The following DIAPH1 variants were observed in gnomAD, a reference collection of about 807,000 sequenced individuals.
DIAPH1 encodes the protein protein diaphanous homolog 1.
DIAPH1 carries 46 observed loss-of-function variants against 140.7 expected under a neutral mutation model. The ratio of observed to expected loss-of-function variants is 0.33; its 90% CI spans 0.26 to 0.42. DIAPH1 has a LOEUF of 0.42. Among genes scored for constraint, DIAPH1 ranks in the 10% least tolerant of loss-of-function variants. The pLI is 1.00. For missense variants in DIAPH1, 1,310 were observed against 1,558.7 expected, an observed-to-expected ratio of 0.84 and a Z score of 2.69; for synonymous variants, 565 against 551.6, an observed-to-expected ratio of 1.02 and a Z score of -0.34.
At chr5:141,597,710 T>C (rs2099899538) in intron 1 of DIAPH1, among the ~76,000 whole-genome samples, 1 of 152,174 alleles carries the variant, frequency 6.6e-6, no homozygotes, top group Non-Finnish European at 1.5e-5. Flanking sequence ...ATCACCATCA[T>C]CTGCTTTTGT....
At chr5:141,525,976 C>G in intron 26 of DIAPH1, 62 bp downstream of exon 26, 1 of 1,607,986 alleles carries the variant, frequency 6.2e-7, no homozygotes, top group Non-Finnish European at 8.5e-7. Context: ...CCTCTAGACT[C>G]TAGGCAGAGA....
At chr5:141,581,030 A>C in intron 7 of DIAPH1, 147 bp from the exon 8 acceptor site, 69 of 874,262 alleles carry the variant, frequency 7.9e-5, no homozygotes, top group Non-Finnish European at 1.2e-4. Context: ...ATGTAACCTC[A>C]TCTGGAAATA....
chr5:141,572,058 G>C lies in DIAPH1; in HGVS notation c.2359-18C>G, dbSNP rs779689345. ...GCCACAAGCTGTGGATAAAGGCAGGGTGTTAAGAATTAGTAAACTGAGCCC... is the reference window on the plus strand; with the variant it reads ...GCCACAAGCTGTGGATAAAGGCAGGCTGTTAAGAATTAGTAAACTGAGCCC... On this transcript the variant is annotated intron_variant, in intron 16 of 27. Transcript: ENST00000389054. The C allele has an allele frequency of 3.8e-6, 6 of 1,575,100 alleles. No individual in the cohort carries two copies. Among genetic ancestry groups the C allele is most frequent in the Non-Finnish European group, 5.2e-6 (6 of 1,144,370 alleles).
intron 18 of DIAPH1, among the ~76,000 whole-genome samples, chr5:141,559,163 G>A (rs951624352): frequency 3.3e-5 from 5 of 150,836 alleles, no homozygotes; most frequent in Admixed American, 1.3e-4. Flanking sequence ...ACAGTAAGAG[G>A]GTCTTAATGT....
At chr5:141,584,000 T>A (rs757283585) in intron 4 of DIAPH1, 124 bp downstream of exon 4, 75 of 695,556 alleles carry the variant, frequency 1.1e-4, no homozygotes, top group Non-Finnish European at 1.8e-4. Flanking sequence ...GTGAACAGGC[T>A]TATATAATGG....
At chr5:141,599,378 A>G (rs1361433780) in intron 1 of DIAPH1, among the ~76,000 whole-genome samples, 1 of 152,218 alleles carries the variant, frequency 6.6e-6, no homozygotes, top group African/African-American at 2.4e-5. Flanking sequence ...CTAAGTTGTA[A>G]TAGACAACTA....
chr5:141,601,574 G>A (rs2099900149), intron 1 of DIAPH1, among the ~76,000 whole-genome samples: 1 of 152,144 alleles, frequency 6.6e-6, no homozygotes, highest in African/African-American at 2.4e-5. Flanking sequence ...ACAGGCGTGA[G>A]CCACCGCACC....
At chr5:141,618,583 C>G (rs2099903081) in intron 1 of DIAPH1, 2 of 464,918 alleles carry the variant, frequency 4.3e-6, no homozygotes, top group East Asian at 4.2e-5. Flanking sequence ...AGGGAAGCCC[C>G]GAGGTGGCCG....
intron 27 of DIAPH1, among the ~76,000 whole-genome samples, 192 bp from the exon 28 acceptor site, chr5:141,517,200 G>A (rs1420230222): frequency 6.6e-6 from 1 of 152,240 alleles, no homozygotes; most frequent in Non-Finnish European, 1.5e-5. Flanking sequence ...GAATGTAAGA[G>A]AGTGTGGTGC....
At chr5:141,543,800 T>C (rs909167118) in intron 18 of DIAPH1, among the ~76,000 whole-genome samples, 4 of 152,192 alleles carry the variant, frequency 2.6e-5, no homozygotes, top group African/African-American at 7.2e-5. Context: ...ACACAAAAAA[T>C]GGGATTGTAT....
rs1391669921 is a variant in DIAPH1 at position 141,573,324 on chromosome 5, A to C, written c.2358+168T>G. Among the ~76,000 whole-genome samples the C allele has an allele frequency of 3.9e-5, 6 of 151,920 alleles. No individual in the cohort carries two copies. The East Asian group carries it at 1.2e-3, about 30-fold the overall frequency. On this transcript the variant is annotated intron_variant, in intron 16 of 27. Transcript: ENST00000389054. Reference sequence around the variant, plus strand: ...GTGGCGCGCGCCTATAGTCCCAGCTACACGGGAGGCTGAGGCAGGAGAATG... The same window carrying C: ...GTGGCGCGCGCCTATAGTCCCAGCTCCACGGGAGGCTGAGGCAGGAGAATG...
chr5:141,617,316 G>T (rs2099902844), intron 1 of DIAPH1, among the ~76,000 whole-genome samples: 1 of 152,100 alleles, frequency 6.6e-6, no homozygotes, highest in Non-Finnish European at 1.5e-5. Context: ...AAAAAAAGAT[G>T]TTCACCAGAT....
chr5:141,570,669 C>T (rs1405853329), intron 18 of DIAPH1, among the ~76,000 whole-genome samples: 1 of 152,012 alleles, frequency 6.6e-6, no homozygotes, highest in Non-Finnish European at 1.5e-5. Flanking sequence ...ATAAATGCTC[C>T]AAAGTTGCAC....
At chr5:141,594,875 T>C (rs539343842) in intron 1 of DIAPH1, among the ~76,000 whole-genome samples, 4 of 150,666 alleles carry the variant, frequency 2.7e-5, no homozygotes, top group Non-Finnish European at 5.9e-5. Flanking sequence ...ATCTCTTCTC[T>C]AATAACAATA....
rs183597049 is a variant in DIAPH1 at position 141,580,252 on chromosome 5, C to T, written c.824+492G>A. Among the ~76,000 whole-genome samples, 1,156 of 152,176 alleles carry T rather than the reference C, an allele frequency of 7.6e-3. 19 individuals carry two copies. Among genetic ancestry groups the T allele is most frequent in the African/African-American group, 0.026 (1,098 of 41,532 alleles). ...TCAGCTCTTAAGATACTATCTTTTG[C>T]GGTGGCAGATGTCTAGAATCAAGGG... On this transcript the variant is annotated intron_variant, in intron 8 of 27. Transcript: ENST00000389054.
chr5:141,528,466 C>G lies in DIAPH1; in HGVS notation c.3135G>C (p.Glu1045Asp). The change falls in exon 23 of 28, where the codon GAG becomes GAC. Residue 1045 changes from glutamate (E) to aspartate (D), a missense_variant. Around this residue, in one of 3 missense-constraint regions of DIAPH1, gnomAD observed 344 missense variants for 512.2 expected, o/e 0.67. Transcript: ENST00000389054. ...AAACTGCCCCACCTCGGCTGGCTTT[C>G]TCCACATGGGCAAGCTCGTCTGGAA... ...LKFPDELAHVEKASRVSAENL... is the reference protein window; with the variant it reads ...LKFPDELAHVDKASRVSAENL... 1 of 1,614,234 alleles carries G rather than the reference C, an allele frequency of 6.2e-7. No individual in the cohort carries two copies. The highest frequency in any genetic ancestry group is 8.5e-7 in the Non-Finnish European group (1 of 1,180,052).
intron 1 of DIAPH1, among the ~76,000 whole-genome samples, chr5:141,594,157 A>G (rs2099898930): frequency 6.6e-6 from 1 of 152,210 alleles, no homozygotes. Flanking sequence ...ACTTTCGAAG[A>G]GTTTCACAGT....
Position 141,516,930 on chromosome 5 carries a change from G to C in DIAPH1, c.3740C>G (p.Pro1247Arg), listed in dbSNP as rs777943998. The change falls in exon 28 of 28, where the codon CCT (proline) becomes CGT (arginine). Residue 1247 changes from proline (P) to arginine (R), a missense_variant. By Grantham distance (103) the Pro-to-Arg change is moderately radical. Transcript: ENST00000389054. ...LTKDDAMAAV[P>R]AKVSKNSETF... ...CTCACTGTTCTTGGACACCTTGGCA[G>C]GAACAGCAGCCATGGCATCATCCTT... 1 of 1,614,246 alleles carries C rather than the reference G, an allele frequency of 6.2e-7. No homozygotes were observed. Among genetic ancestry groups the C allele is most frequent in the East Asian group, 2.2e-5 (1 of 44,890 alleles).
At chr5:141,531,710 A>T (rs1378880078) in intron 19 of DIAPH1, among the ~76,000 whole-genome samples, 1 of 151,312 alleles carries the variant, frequency 6.6e-6, no homozygotes, top group Admixed American at 6.6e-5. Flanking sequence ...CTCGTCTCGA[A>T]CTCCTGACCT....
Sources: allele counts gnomAD v4.1 joint callset (sites outside exome capture counted in the v4.1 genomes callset), GRCh38; gene constraint gnomAD v4.1.1; regional missense constraint gnomAD v4.1.1; transcripts MANE v1.5; gene names NCBI Gene and HGNC (gene_info 2026-07-23, HGNC 2026-07-21).